The following STXBP4 variants were observed in gnomAD, a reference collection of about 807,000 sequenced individuals.
STXBP4 encodes the protein syntaxin binding protein 4.
In STXBP4, 55 loss-of-function variants were observed where a neutral mutation model predicts 76.1. That is an observed-to-expected ratio of 0.72 (90% CI 0.58 to 0.91). STXBP4 has a LOEUF of 0.91. STXBP4 is among the 40% of genes least tolerant of loss of function. The pLI, the probability that STXBP4 is intolerant of heterozygous loss-of-function variation, is 0.00. For synonymous variants in STXBP4, 201 were observed against 220.2 expected, an observed-to-expected ratio of 0.91 and a Z score of 0.77; for missense variants, 618 against 636.9, an observed-to-expected ratio of 0.97 and a Z score of 0.32.
chr17:55,109,783 C>T (rs142319447), intron 16 of STXBP4, among the ~76,000 whole-genome samples: 13 of 152,044 alleles, frequency 8.6e-5, no homozygotes, highest in South Asian at 2.1e-4. Context: ...GATTACAGGC[C>T]GTCACCACCA....
intron 12 of STXBP4, among the ~76,000 whole-genome samples, chr17:55,064,661 A>C (rs1484340202): frequency 6.6e-6 from 1 of 151,810 alleles, no homozygotes; most frequent in Non-Finnish European, 1.5e-5. Context: ...ACCCGCCACC[A>C]TGCCCGGCTA....
chr17:55,034,044 G>T, intron 9 of STXBP4, 124 bp from the exon 10 acceptor site: 1 of 616,160 alleles, frequency 1.6e-6, no homozygotes, highest in Non-Finnish European at 2.8e-6. Flanking sequence ...TATCACTTCA[G>T]TCAATACTAT....
chr17:54,984,244 C>T (rs1049395611), intron 1 of STXBP4, among the ~76,000 whole-genome samples: 8 of 151,802 alleles, frequency 5.3e-5, no homozygotes, highest in African/African-American at 1.9e-4. Flanking sequence ...TAGGATGATC[C>T]TCTTGATTTT....
At chr17:55,119,573 C>T (rs1228142515) in intron 16 of STXBP4, among the ~76,000 whole-genome samples, 1 of 151,910 alleles carries the variant, frequency 6.6e-6, no homozygotes, top group East Asian at 1.9e-4. Context: ...CAATACAGAA[C>T]ACTAATCAGA....
chr17:55,031,246 G>A lies in STXBP4; in HGVS notation c.745G>A (p.Gly249Arg), dbSNP rs764066358. 1.2e-6 allele frequency: 2 copies of A among 1,612,754 alleles called. No individual in the cohort carries two copies. Among genetic ancestry groups the A allele is most frequent in the Non-Finnish European group, 1.7e-6 (2 of 1,178,986 alleles). Residue 249 changes from glycine to arginine, a missense_variant, in exon 9 of 18, where the codon GGG (glycine) becomes AGG (arginine). By Grantham distance (125) the Gly-to-Arg change is moderately radical. Coordinates refer to ENST00000376352, the MANE Select transcript of STXBP4 (RefSeq NM_178509.6). ...LRQQVQADSK[G>R]TVSFGDFVQV... ...ACAGCAAGTACAAGCAGACTCAAAA[G>A]GGACAGTGTCTTTTGGAGGTAATAT...
intron 4 of STXBP4, among the ~76,000 whole-genome samples, chr17:54,995,544 C>T (rs757752642): frequency 3.9e-5 from 6 of 152,098 alleles, no homozygotes; most frequent in South Asian, 2.1e-4. Flanking sequence ...TGTGTATGTA[C>T]GTATTTTTTC....
intron 4 of STXBP4, among the ~76,000 whole-genome samples, chr17:54,997,674 G>A (rs969082099): frequency 1.4e-5 from 2 of 147,518 alleles, no homozygotes; most frequent in African/African-American, 5.0e-5. Flanking sequence ...GCGTAGTCAT[G>A]ACCTTGACCT....
At chr17:55,189,552 G>C in the STXBP4 span, among the ~76,000 whole-genome samples, 1 of 152,188 alleles carries the variant, frequency 6.6e-6, no homozygotes, top group East Asian at 1.9e-4. Context: ...TCTCAGAGAC[G>C]AAGTGAGGCC....
In STXBP4 at chr17:55,000,856, AACAGT is replaced by A; in HGVS notation, c.550_554del (p.Ser184CysfsTer5). 6.2e-7 allele frequency: 1 copy of A among 1,610,182 alleles called. No homozygotes were observed. The highest frequency in any genetic ancestry group is 8.5e-7 in the Non-Finnish European group (1 of 1,176,970). ...AGTACAGATTCCAATTACTTCAGAA[AACAGT>A]ACTGTGGGTTTGTCTAATACAGGTA... On this transcript the variant is annotated frameshift_variant, in exon 7 of 18. Transcript: ENST00000376352. LOFTEE classifies it high-confidence loss of function.
intron 17 of STXBP4, among the ~76,000 whole-genome samples, chr17:55,151,329 A>G (rs1304036980): frequency 6.6e-6 from 1 of 152,196 alleles, no homozygotes; most frequent in Non-Finnish European, 1.5e-5. Flanking sequence ...TAAAAACTGT[A>G]GAGAAAAATA....
Position 55,041,682 on chromosome 17 carries a change from A to G in STXBP4, c.856-1554A>G, listed in dbSNP as rs534351351. Among the ~76,000 whole-genome samples the G allele has an allele frequency of 3.9e-5, 6 of 152,198 alleles. No homozygotes were observed. In the South Asian group the frequency reaches 1.2e-3, roughly 32 times the overall value. The stretch of plus-strand genomic sequence containing the variant: ...AATAAATGAAGGCAGCAGGGTAAGG[A>G]GGTTGGGGGTTTGTAGTATGGTGAA... On this transcript the variant is annotated intron_variant, in intron 10 of 17. Transcript: ENST00000376352.
intron 16 of STXBP4, among the ~76,000 whole-genome samples, chr17:55,125,674 C>T (rs954156269): frequency 6.6e-6 from 1 of 151,996 alleles, no homozygotes; most frequent in Non-Finnish European, 1.5e-5. Flanking sequence ...GGTGCACCTC[C>T]CTCTTAAGGA....
At chr17:55,201,952 C>T in the STXBP4 span, among the ~76,000 whole-genome samples, 3 of 152,208 alleles carry the variant, frequency 2.0e-5, no homozygotes, top group South Asian at 2.1e-4. Flanking sequence ...AAACAGTAAA[C>T]AATTCACAAA....
intron 12 of STXBP4, among the ~76,000 whole-genome samples, chr17:55,047,434 T>G (rs2078805346): frequency 6.6e-6 from 1 of 151,870 alleles, no homozygotes; most frequent in South Asian, 2.1e-4. Flanking sequence ...ATAACCAATC[T>G]CATTACTTCT....
At position 55,163,065 on chromosome 17, in the gene STXBP4, G is replaced by T. The variant is rs1363905174; in HGVS notation, c.*3154G>T. On this transcript the variant is annotated 3_prime_UTR_variant, in exon 18 of 18. Transcript: ENST00000376352. ...TTCATAAATTTCTTGATCAAAGCTAGGTCAAAGTTACATTCATTTTAATTT... is the reference window on the plus strand; with the variant it reads ...TTCATAAATTTCTTGATCAAAGCTATGTCAAAGTTACATTCATTTTAATTT... 2 of 152,104 alleles carry T rather than the reference G, an allele frequency of 1.3e-5. No homozygotes were observed. The highest frequency in any genetic ancestry group is 2.9e-5 in the Non-Finnish European group (2 of 68,026). The allele number at this position is 152,104 out of a possible 1,614,324, so 9.4% of individuals were successfully genotyped here.
rs775792836 is a variant in STXBP4 at position 55,078,062 on chromosome 17, T to G, written c.1189-16T>G. On this transcript the variant is annotated splice_polypyrimidine_tract_variant and intron_variant, in intron 13 of 17. Transcript: ENST00000376352. ...TGAAGAAATGTGTAAATGCTCCTTTTGATATCTCTGTGCAGGAAAGTGTTC... is the reference window on the plus strand; with the variant it reads ...TGAAGAAATGTGTAAATGCTCCTTTGGATATCTCTGTGCAGGAAAGTGTTC... The G allele has an allele frequency of 1.3e-6, 2 of 1,521,856 alleles. No homozygotes were observed. The highest frequency in any genetic ancestry group is 1.8e-6 in the Non-Finnish European group (2 of 1,116,016). 94.3% of individuals were successfully genotyped at this position (1,521,856 alleles called of 1,614,324 possible).
intron 17 of STXBP4, among the ~76,000 whole-genome samples, chr17:55,156,779 G>A (rs2080282286): frequency 6.6e-6 from 1 of 152,134 alleles, no homozygotes; most frequent in Admixed American, 6.6e-5. Context: ...GTGAATATAA[G>A]ATTAATCAAG....
chr17:55,186,006 G>A, the STXBP4 span, among the ~76,000 whole-genome samples: 3 of 152,184 alleles, frequency 2.0e-5, no homozygotes, highest in Admixed American at 6.5e-5. Context: ...TTATCCTGAA[G>A]ATGATGGTGC....
chr17:55,039,030 C>T (rs376182606), intron 10 of STXBP4, among the ~76,000 whole-genome samples: 56 of 152,158 alleles, frequency 3.7e-4, no homozygotes, highest in African/African-American at 1.2e-3. Flanking sequence ...AACGAAAACA[C>T]GAAATATATA....
Sources: allele counts gnomAD v4.1 joint callset (sites outside exome capture counted in the v4.1 genomes callset), GRCh38; gene constraint gnomAD v4.1.1; transcripts MANE v1.5; gene names NCBI Gene and HGNC (gene_info 2026-07-23, HGNC 2026-07-21).